MED13: variants seen among roughly 807,000 people sequenced by gnomAD.
The protein encoded by MED13 is mediator of RNA polymerase II transcription subunit 13.
A neutral mutation model predicts 225.2 loss-of-function variants in MED13; 23 were observed. That is an observed-to-expected ratio of 0.10 (90% CI 0.07 to 0.14). MED13 has a LOEUF of 0.14. Ranked by LOEUF, MED13 falls within the 10% of genes least tolerant of loss-of-function variation. The probability of loss-of-function intolerance (pLI) is 1.00; values close to 1 mark genes in which losing one functional copy is unlikely to be tolerated. For missense variants in MED13, 2,197 were observed against 2,594.5 expected, an observed-to-expected ratio of 0.85 and a Z score of 3.33; for synonymous variants, 942 against 889.2, an observed-to-expected ratio of 1.06 and a Z score of -1.06.
chr17:62,041,795 C>G (rs1021645627), intron 3 of MED13, among the ~76,000 whole-genome samples: 10 of 152,118 alleles, frequency 6.6e-5, no homozygotes, highest in Admixed American at 1.3e-4. Context: ...GTTGTCCAGG[C>G]TGGTCTTGAA....
intron 3 of MED13, among the ~76,000 whole-genome samples, chr17:62,044,438 C>CA (rs1426995959): frequency 6.6e-6 from 1 of 152,182 alleles, no homozygotes; most frequent in East Asian, 1.9e-4. Context: ...CTTTATCCCA[C>CA]AAAATCAAAA....
At chr17:62,020,158 T>C (rs140596193) in intron 8 of MED13, among the ~76,000 whole-genome samples, 40 of 152,166 alleles carry the variant, frequency 2.6e-4, no homozygotes, top group African/African-American at 9.4e-4. Flanking sequence ...TTTTTTCCTA[T>C]TGATGTTAGG....
At chr17:61,959,441 T>C (rs951763104) in intron 23 of MED13, among the ~76,000 whole-genome samples, 4 of 152,172 alleles carry the variant, frequency 2.6e-5, no homozygotes, top group Non-Finnish European at 5.9e-5. Context: ...CAGATTAGCA[T>C]ATTCTTTCCC....
At chr17:61,976,743 G>C (rs74747985) in intron 16 of MED13, among the ~76,000 whole-genome samples, 1,830 of 152,164 alleles carry the variant, frequency 0.012, 36 homozygotes, top group African/African-American at 0.041. Flanking sequence ...GACCATTCTG[G>C]CTAACACGTT....
rs551068455 is a variant in MED13, at chr17:61,944,111, G to C, written c.*2357C>G. ...AAAAAAAATCTTATCAATAAATCCTGTATATTTGGGAACTATTCCCTGATT... is the reference window on the plus strand; with the variant it reads ...AAAAAAAATCTTATCAATAAATCCTCTATATTTGGGAACTATTCCCTGATT... On this transcript the variant is annotated 3_prime_UTR_variant, in exon 30 of 30. Transcript: ENST00000397786. 74 of 152,618 alleles carry C rather than the reference G, an allele frequency of 4.8e-4. No individual in the cohort carries two copies. Among genetic ancestry groups the C allele is most frequent in the African/African-American group, 1.8e-3 (73 of 41,540 alleles). The allele number at this position is 152,618 out of a possible 1,614,324, so 9.5% of individuals were successfully genotyped here. A position where few individuals can be genotyped will look rare whatever the true frequency, so the allele number is the denominator to read the frequency against.
At chr17:62,056,271 A>G (rs186833700) in intron 2 of MED13, among the ~76,000 whole-genome samples, 10 of 152,318 alleles carry the variant, frequency 6.6e-5, no homozygotes, top group African/African-American at 2.4e-4. Context: ...TCAGATACGA[A>G]AAGTGAAATG....
At chr17:61,955,977 C>A in intron 24 of MED13, 139 bp from the exon 25 acceptor site, 1 of 1,306,832 alleles carries the variant, frequency 7.7e-7, no homozygotes, top group Non-Finnish European at 9.9e-7. Flanking sequence ...TCCTCCAACA[C>A]GAGTCATCAT....
intron 29 of MED13, 108 bp from the exon 30 acceptor site, chr17:61,946,708 G>GT: frequency 7.5e-7 from 1 of 1,342,276 alleles, no homozygotes; most frequent in East Asian, 2.4e-5. Flanking sequence ...AAAAAAGAGT[G>GT]TAACAGAGAG....
chr17:62,058,328 A>G (rs2081011104), intron 2 of MED13, among the ~76,000 whole-genome samples: 1 of 152,168 alleles, frequency 6.6e-6, no homozygotes. Context: ...AGCCTGGCCA[A>G]CATGGCGAAA....
chr17:62,015,959 T>TATA lies in MED13; in HGVS notation c.1284-4727_1284-4726insTAT, dbSNP rs1467468461. Among the ~76,000 whole-genome samples the TATA allele has an allele frequency of 5.1e-3, 48 of 9,372 alleles. 8 individuals are homozygous for TATA. The East Asian group carries it at 0.058, about 11-fold the overall frequency. The allele number at this position is 9,372 out of a possible 152,430, so 6.1% of individuals were successfully genotyped here. ...ATATATATATATATATATATATTTT[T>TATA]TTTTTTTTTTTTTTTTTTTTTTTTA... is the stretch of plus-strand genomic sequence containing the variant. On this transcript the variant is annotated intron_variant, in intron 8 of 29. Transcript: ENST00000397786.
chr17:61,969,305 T>C (rs2080086411), intron 17 of MED13, among the ~76,000 whole-genome samples: 3 of 151,962 alleles, frequency 2.0e-5, no homozygotes, highest in Admixed American at 1.3e-4. Context: ...TGAGCTGAGA[T>C]TGCACCAGTG....
At chr17:62,053,293 T>C (rs2080971285) in intron 2 of MED13, among the ~76,000 whole-genome samples, 1 of 152,200 alleles carries the variant, frequency 6.6e-6, no homozygotes, top group African/African-American at 2.4e-5. Context: ...CCCATGATTA[T>C]TATTCAGTAC....
intron 3 of MED13, among the ~76,000 whole-genome samples, chr17:62,035,857 T>TA (rs1471160311): frequency 1.3e-5 from 2 of 152,134 alleles, no homozygotes; most frequent in Non-Finnish European, 2.9e-5. Context: ...CATTCACACA[T>TA]AGAATTATTA....
At chr17:61,989,812 T>G (rs1290334423) in intron 11 of MED13, among the ~76,000 whole-genome samples, 1 of 152,268 alleles carries the variant, frequency 6.6e-6, no homozygotes, top group Non-Finnish European at 1.5e-5. Flanking sequence ...TGCCACCAAC[T>G]TTGTTCTTTT....
At chr17:62,029,779 T>C (rs2039035980) in intron 7 of MED13, 72 bp downstream of exon 7, 1 of 1,523,334 alleles carries the variant, frequency 6.6e-7, no homozygotes, top group African/African-American at 1.4e-5. Flanking sequence ...TGACTGTTTA[T>C]ACTTTAGATA....
intron 16 of MED13, among the ~76,000 whole-genome samples, chr17:61,973,699 T>C (rs1452618960): frequency 6.6e-6 from 1 of 152,172 alleles, no homozygotes; most frequent in African/African-American, 2.4e-5. Flanking sequence ...AAAAGTGTAG[T>C]GGCTGGGCCC....
At chr17:61,964,544 G>T (rs1167960176) in intron 20 of MED13, among the ~76,000 whole-genome samples, 1 of 152,144 alleles carries the variant, frequency 6.6e-6, no homozygotes, top group African/African-American at 2.4e-5. Context: ...CAGCCTGGGT[G>T]ACAGAGTGAG....
chr17:61,998,925 CTTTTTT>C (rs10617153), intron 9 of MED13, among the ~76,000 whole-genome samples: 3 of 103,864 alleles, frequency 2.9e-5, no homozygotes, highest in Non-Finnish European at 3.8e-5. Context: ...TTAAATGGTA[CTTTTTT>C]TTTTTTTTTT....
intron 12 of MED13, among the ~76,000 whole-genome samples, chr17:61,985,542 A>C (rs2143474243): frequency 6.6e-6 from 1 of 152,186 alleles, no homozygotes; most frequent in Middle Eastern, 3.4e-3. Flanking sequence ...TGGGTGGGGC[A>C]TGCCTGTAAT....
Sources: gnomAD v4.1 joint callset for allele counts (sites outside exome capture counted in the v4.1 genomes callset) on GRCh38, gnomAD v4.1.1 for gene constraint, MANE v1.5 for transcripts, NCBI Gene and HGNC (gene_info 2026-07-23, HGNC 2026-07-21) for gene names.